The following SHC4 variants were observed in gnomAD, a reference collection of about 807,000 sequenced individuals.
SHC4 encodes the protein SHC adaptor protein 4.
A neutral mutation model predicts 69.4 loss-of-function variants in SHC4; 41 were observed. The ratio of observed to expected loss-of-function variants is 0.59; its 90% CI spans 0.46 to 0.77. The LOEUF (loss-of-function observed/expected upper bound fraction) is 0.77. SHC4 is among the 30% of genes least tolerant of loss of function. The pLI, the probability that SHC4 is intolerant of heterozygous loss-of-function variation, is 0.00. For missense variants in SHC4, 777 were observed against 783.8 expected (o/e 0.99, Z 0.10); for synonymous variants, 318 against 299.3 (o/e 1.06, Z -0.64).
Position 48,871,995 on chromosome 15 carries a change from T to G in SHC4, c.894+94A>C, listed in dbSNP as rs578078091. On this transcript the variant is annotated intron_variant, in intron 5 of 11. Transcript: ENST00000332408. ...AAGACATGTAGTGGCTAATATGGTT[T>G]ATGTAAAAGTTATTTTATTTTATTA... is the stretch of plus-strand genomic sequence containing the variant. 13 of 770,878 alleles carry G rather than the reference T, an allele frequency of 1.7e-5. No individual in the cohort carries two copies. The African/African-American group carries it at 2.2e-4, about 13-fold the overall frequency. The allele number at this position is 770,878 out of a possible 1,614,324, so 47.8% of individuals were successfully genotyped here. A position where few individuals can be genotyped will look rare whatever the true frequency, so the allele number is the denominator to read the frequency against.
chr15:48,931,009 A>G (rs1214811476), intron 1 of SHC4, among the ~76,000 whole-genome samples: 1 of 151,984 alleles, frequency 6.6e-6, no homozygotes, highest in South Asian at 2.1e-4. Context: ...TTGTTTTCCT[A>G]CTCACCTATT....
intron 1 of SHC4, among the ~76,000 whole-genome samples, chr15:48,936,392 A>G (rs1901071186): frequency 6.6e-6 from 1 of 152,180 alleles, no homozygotes; most frequent in Admixed American, 6.5e-5. Context: ...TGCCCAAGTC[A>G]AAAGGCAGGG....
At chr15:48,870,431 C>G (rs1430760821) in intron 5 of SHC4, among the ~76,000 whole-genome samples, 2 of 152,130 alleles carry the variant, frequency 1.3e-5, no homozygotes, top group African/African-American at 4.8e-5. Context: ...AGGTGGAACT[C>G]TTAACATTTG....
intron 10 of SHC4, among the ~76,000 whole-genome samples, chr15:48,840,464 T>G (rs1898970431): frequency 6.6e-6 from 1 of 152,138 alleles, no homozygotes; most frequent in African/African-American, 2.4e-5. Flanking sequence ...TGTTTTTGTT[T>G]GGTTTGGTTA....
intron 2 of SHC4, among the ~76,000 whole-genome samples, chr15:48,921,856 T>G (rs1224605004): frequency 1.3e-5 from 2 of 152,206 alleles, no homozygotes; most frequent in African/African-American, 4.8e-5. Context: ...AGGAAATTGC[T>G]CAGTATGGGA....
intron 6 of SHC4, among the ~76,000 whole-genome samples, chr15:48,866,310 CTTAT>C (rs1165470757): frequency 6.6e-6 from 1 of 152,176 alleles, no homozygotes; most frequent in Non-Finnish European, 1.5e-5. Flanking sequence ...ATTCATTCTT[CTTAT>C]TTAGTTTAGA....
intron 4 of SHC4, chr15:48,877,601 C>T: frequency 1.0e-6 from 1 of 979,574 alleles, no homozygotes; most frequent in Non-Finnish European, 1.2e-6. Context: ...ACCTCCCAGG[C>T]GAAAAGAAAT....
At chr15:48,833,454 T>C (rs1384079565) in intron 11 of SHC4, among the ~76,000 whole-genome samples, 9 of 152,188 alleles carry the variant, frequency 5.9e-5, no homozygotes, top group Non-Finnish European at 1.5e-5. Context: ...GCAGGACAGA[T>C]AACTGGTTTA....
At chr15:48,878,152 T>G (rs1899856561) in intron 4 of SHC4, 3 of 1,520,386 alleles carry the variant, frequency 2.0e-6, no homozygotes, top group Non-Finnish European at 2.6e-6. Flanking sequence ...GGAAGCTTTT[T>G]CCTAGAGGTT....
chr15:48,844,667 G>T (rs1005707949), intron 9 of SHC4, among the ~76,000 whole-genome samples: 6 of 152,166 alleles, frequency 3.9e-5, no homozygotes, highest in Admixed American at 6.5e-5. Flanking sequence ...ACCTTGAATT[G>T]TAATAATCCT....
At chr15:48,875,756 G>C (rs902128864) in intron 4 of SHC4, among the ~76,000 whole-genome samples, 4 of 152,314 alleles carry the variant, frequency 2.6e-5, no homozygotes, top group Admixed American at 2.6e-4. Context: ...CAGCTGCCAT[G>C]ACTGGATGGC....
chr15:48,907,260 T>C (rs1900421550), intron 2 of SHC4, among the ~76,000 whole-genome samples: 1 of 151,300 alleles, frequency 6.6e-6, no homozygotes, highest in Non-Finnish European at 1.5e-5. Context: ...AGTTGTGCTC[T>C]GTCTCCCAGG....
intron 7 of SHC4, among the ~76,000 whole-genome samples, chr15:48,856,658 C>T (rs1052887574): frequency 6.6e-6 from 1 of 151,030 alleles, no homozygotes; most frequent in Non-Finnish European, 1.5e-5. Flanking sequence ...ATATTAGAAC[C>T]ATATGTGGCA....
intron 4 of SHC4, chr15:48,876,496 CACATATATAT>C (rs1257962264): frequency 3.1e-5 from 16 of 509,538 alleles, no homozygotes; most frequent in Non-Finnish European, 4.9e-5. Flanking sequence ...CATACATATA[CACATATATAT>C]GTATATATAT....
intron 6 of SHC4, among the ~76,000 whole-genome samples, chr15:48,858,543 C>T (rs1211462552): frequency 6.6e-5 from 10 of 152,148 alleles, no homozygotes; most frequent in South Asian, 2.1e-4. Flanking sequence ...AGTTAGGGTG[C>T]GGGCAGGCAT....
intron 4 of SHC4, chr15:48,878,185 A>G: frequency 6.4e-7 from 1 of 1,554,960 alleles, no homozygotes; most frequent in Non-Finnish European, 8.7e-7. Context: ...CAATGTCGGA[A>G]ATGGCTGAGT....
intron 1 of SHC4, among the ~76,000 whole-genome samples, chr15:48,942,212 T>C (rs1901188310): frequency 6.6e-6 from 1 of 152,112 alleles, no homozygotes; most frequent in Non-Finnish European, 1.5e-5. Flanking sequence ...CATAAAAACT[T>C]TGTGATGGAC....
chr15:48,864,005 T>C (rs1458020597), intron 6 of SHC4, among the ~76,000 whole-genome samples: 5 of 152,220 alleles, frequency 3.3e-5, no homozygotes, highest in African/African-American at 1.2e-4. Flanking sequence ...GTACTGAAAA[T>C]GCCTGGCACA....
chr15:48,855,499 G>T lies in SHC4; in HGVS notation c.1242+454C>A, dbSNP rs552868214. On this transcript the variant is annotated intron_variant, in intron 8 of 11. Coordinates refer to ENST00000332408, the MANE Select transcript of SHC4 (RefSeq NM_203349.4). Reference sequence around the variant, plus strand: ...AACATTATTAGGTTGGGTTGAGGGAGTCCAAGTTTTTTGCAGGCAGAAGGA... The same window carrying T: ...AACATTATTAGGTTGGGTTGAGGGATTCCAAGTTTTTTGCAGGCAGAAGGA... Among the ~76,000 whole-genome samples the T allele has an allele frequency of 9.2e-5, 14 of 152,244 alleles. 1 individual carries two copies. In the South Asian group the frequency reaches 2.9e-3, roughly 32 times the overall value.
Sources: gnomAD v4.1 joint callset for allele counts (sites outside exome capture counted in the v4.1 genomes callset) on GRCh38, gnomAD v4.1.1 for gene constraint, MANE v1.5 for transcripts, NCBI Gene and HGNC (gene_info 2026-07-23, HGNC 2026-07-21) for gene names.